USP24: variants seen among roughly 807,000 people sequenced by gnomAD.
USP24 encodes ubiquitin carboxyl-terminal hydrolase 24.
Under a neutral mutation model 361.6 loss-of-function variants are expected in USP24, and 97 were observed. The observed-to-expected ratio is 0.27, with a 90% CI of 0.23 to 0.32. The LOEUF (loss-of-function observed/expected upper bound fraction) is 0.32, where lower values mean the gene tolerates loss of function less well. Ranked by LOEUF, USP24 falls within the 10% of genes least tolerant of loss-of-function variation. The pLI is 1.00. For missense variants in USP24, 2,353 were observed against 3,165.6 expected, an observed-to-expected ratio of 0.74 and a Z score of 6.16; for synonymous variants, 1,098 against 1,124.6, an observed-to-expected ratio of 0.98 and a Z score of 0.47.
chr1:55,096,648 T>C, intron 49 of USP24, 26 bp from the exon 50 acceptor site: 1 of 1,592,320 alleles, frequency 6.3e-7, no homozygotes, highest in African/African-American at 1.4e-5. Context: ...CAGACAAACA[T>C]TATAAGGTTA....
At chr1:55,092,607 T>C (rs1280378405) in intron 53 of USP24, among the ~76,000 whole-genome samples, 2 of 152,224 alleles carry the variant, frequency 1.3e-5, no homozygotes, top group Non-Finnish European at 1.5e-5. Context: ...AGCCAGTATG[T>C]GGGAAGTCAC....
At position 55,115,008 on chromosome 1, in the gene USP24, CTAATATCCAGA is replaced by C. The variant is rs376004450; in HGVS notation, c.4509-4773_4509-4763del. On this transcript the variant is annotated intron_variant, in intron 38 of 67. Transcript: ENST00000294383. ...TGCAATCTATCCATCTGACAAAGGGCTAATATCCAGATTCTAAAAAGAACTTAAACAAACTT... is the reference window on the plus strand; with the variant it reads ...TGCAATCTATCCATCTGACAAAGGGCTTCTAAAAAGAACTTAAACAAACTT... Among the ~76,000 whole-genome samples, 1,152 of 150,030 alleles carry C rather than the reference CTAATATCCAGA, an allele frequency of 7.7e-3. 11 individuals carry two copies. The highest frequency in any genetic ancestry group is 0.027 in the African/African-American group (1,117 of 41,024).
At chr1:55,119,236 T>C (rs1192663844) in intron 38 of USP24, among the ~76,000 whole-genome samples, 1 of 152,148 alleles carries the variant, frequency 6.6e-6, no homozygotes, top group Non-Finnish European at 1.5e-5. Flanking sequence ...AATTCAGCCC[T>C]AAAAAGGAAG....
chr1:55,083,672 TA>T, intron 57 of USP24, 99 bp downstream of exon 57: 6 of 895,910 alleles, frequency 6.7e-6, no homozygotes, highest in Non-Finnish European at 1.0e-5. Context: ...AGAAACATCA[TA>T]AAAAACATAC....
chr1:55,134,526 A>G, intron 28 of USP24, 113 bp from the exon 29 acceptor site: 1 of 909,320 alleles, frequency 1.1e-6, no homozygotes, highest in Non-Finnish European at 1.7e-6. Flanking sequence ...TGGTCACTGT[A>G]AAGCTTGAGG....
intron 1 of USP24, among the ~76,000 whole-genome samples, chr1:55,182,724 AT>A (rs955195105): frequency 2.0e-5 from 3 of 151,626 alleles, no homozygotes; most frequent in African/African-American, 7.3e-5. Flanking sequence ...ACAGTCTTTT[AT>A]TTTTTTTGAG....
Position 55,123,940 on chromosome 1 carries a change from T to C in USP24, c.4121-338A>G, listed in dbSNP as rs144085791. ...ACTTGATGTAGATGGGTCATATGCA[T>C]ACAAAAATCCTAAAAATCTCATACA... is the stretch of plus-strand genomic sequence containing the variant. On this transcript the variant is annotated intron_variant, in intron 35 of 67. Coordinates refer to ENST00000294383, the MANE Select transcript of USP24 (RefSeq NM_015306.3). 3.1e-3 allele frequency among the ~76,000 whole-genome samples: 471 copies of C among 152,306 alleles called. 5 individuals are homozygous for C. The highest frequency in any genetic ancestry group is 0.01 in the African/African-American group (425 of 41,564).
Position 55,086,000 on chromosome 1 carries a change from A to C in USP24, c.6707T>G (p.Val2236Gly). The C allele has an allele frequency of 1.2e-6, 2 of 1,613,962 alleles. No individual in the cohort carries two copies. The highest frequency in any genetic ancestry group is 2.2e-5 in the South Asian group (2 of 91,082). Reference sequence around the variant, plus strand: ...TTTCTCCAGAATGGTGGCCACAGCAACTCGTACTTCTCTCACATTGCACTC... The same window carrying C: ...TTTCTCCAGAATGGTGGCCACAGCACCTCGTACTTCTCTCACATTGCACTC... ...LLECNVREVR[V>G]AVATILEKTL... The change falls in exon 56 of 68, where the codon GTT (valine) becomes GGT (glycine). Residue 2236 changes from valine to glycine, a missense_variant. Physicochemically the swap from Val to Gly is moderately radical, Grantham distance 109 (BLOSUM62 -3). Transcript: ENST00000294383.
At chr1:55,069,808 G>C (rs1357132302) in intron 67 of USP24, among the ~76,000 whole-genome samples, 2 of 143,050 alleles carry the variant, frequency 1.4e-5, no homozygotes, top group African/African-American at 5.2e-5. Context: ...GGGAGAAGGA[G>C]GTAGCAGTGA....
At chr1:55,089,351 C>A (rs1021017744) in intron 55 of USP24, among the ~76,000 whole-genome samples, 1 of 152,154 alleles carries the variant, frequency 6.6e-6, no homozygotes, top group East Asian at 1.9e-4. Context: ...TCTCTGACCC[C>A]CTTTGAACCA....
At chr1:55,208,820 C>T (rs1644776872) in intron 1 of USP24, among the ~76,000 whole-genome samples, 1 of 151,936 alleles carries the variant, frequency 6.6e-6, no homozygotes, top group Admixed American at 6.6e-5. Flanking sequence ...CCTGTAATCC[C>T]AGCTACTTGG....
intron 1 of USP24, among the ~76,000 whole-genome samples, chr1:55,181,686 A>G (rs574513804): frequency 6.6e-6 from 1 of 152,192 alleles, no homozygotes; most frequent in Non-Finnish European, 1.5e-5. Flanking sequence ...TCATACATAA[A>G]ATCATCAAAT....
At chr1:55,141,284 C>T (rs1354129839) in intron 24 of USP24, among the ~76,000 whole-genome samples, 5 of 152,004 alleles carry the variant, frequency 3.3e-5, no homozygotes, top group South Asian at 2.1e-4. Context: ...ATGTGTATTG[C>T]ATTCTAAACA....
At chr1:55,078,085 A>G (rs1209532303) in intron 61 of USP24, among the ~76,000 whole-genome samples, 1 of 152,246 alleles carries the variant, frequency 6.6e-6, no homozygotes, top group African/African-American at 2.4e-5. Flanking sequence ...TACATGTATC[A>G]CCACTATAAA....
In USP24 at chr1:55,154,693, T is replaced by C. The variant is rs1162101293; in HGVS notation, c.1532A>G (p.His511Arg). The C allele has an allele frequency of 6.2e-7, 1 of 1,613,166 alleles. No homozygotes were observed. Among genetic ancestry groups the C allele is most frequent in the Non-Finnish European group, 8.5e-7 (1 of 1,179,504 alleles). ...TACCTTCTGAATGAGAACAAACAAA[T>C]GATTAAGCTGATCTGAATTAAATTT... Reference protein sequence around the residue: ...AVKFNSDQLNHLFVLIQKSWE... With the variant: ...AVKFNSDQLNRLFVLIQKSWE... Residue 511 changes from histidine to arginine, a missense_variant, in exon 13 of 68, where the codon CAT becomes CGT. Physicochemically the swap from His to Arg is conservative, Grantham distance 29 (BLOSUM62 0). Around this residue, in one of 8 missense-constraint regions of USP24, gnomAD observed 386 missense variants for 560.5 expected, o/e 0.69. Transcript: ENST00000294383.
rs1461721040 is a variant in USP24, at chr1:55,067,753, CA to C, written c.*1291del. 1 of 152,102 alleles carries C rather than the reference CA, an allele frequency of 6.6e-6. No homozygotes were observed. Among genetic ancestry groups the C allele is most frequent in the Non-Finnish European group, 1.5e-5 (1 of 68,024 alleles). 9.4% of individuals were successfully genotyped at this position (152,102 alleles called of 1,614,324 possible). Reference sequence around the variant, plus strand: ...ATAAGGCAGGACCTGTAACTAAAGGCAAAACAGGGCCGAAAATGTGAGCAAT... The same window carrying C: ...ATAAGGCAGGACCTGTAACTAAAGGCAAACAGGGCCGAAAATGTGAGCAAT... On this transcript the variant is annotated 3_prime_UTR_variant, in exon 68 of 68. Coordinates refer to ENST00000294383, the MANE Select transcript of USP24 (RefSeq NM_015306.3).
chr1:55,147,997 T>C (rs1647078762), intron 17 of USP24, among the ~76,000 whole-genome samples, 199 bp from the exon 18 acceptor site: 1 of 152,182 alleles, frequency 6.6e-6, no homozygotes, highest in African/African-American at 2.4e-5. Flanking sequence ...AAACTACTAA[T>C]GTTTTCCATC....
intron 1 of USP24, among the ~76,000 whole-genome samples, chr1:55,181,083 CA>C (rs1220404004): frequency 6.6e-6 from 1 of 151,426 alleles, no homozygotes; most frequent in Non-Finnish European, 1.5e-5. Flanking sequence ...CATATCCTCA[CA>C]ATTTACTATA....
In USP24 at chr1:55,099,885, T is replaced by C; in HGVS notation, c.5272-16A>G. 1 of 1,525,036 alleles carries C rather than the reference T, an allele frequency of 6.6e-7. No homozygotes were observed. Among genetic ancestry groups the C allele is most frequent in the Non-Finnish European group, 8.9e-7 (1 of 1,129,830 alleles). The allele number at this position is 1,525,036 out of a possible 1,614,324, so 94.5% of individuals were successfully genotyped here. On this transcript the variant is annotated splice_polypyrimidine_tract_variant and intron_variant, in intron 44 of 67. Transcript: ENST00000294383. The stretch of plus-strand genomic sequence containing the variant: ...TCTTGAAAATCTATATAACAAAAAT[T>C]AAATGTTTTTAAAGGAAAAGTAGCA...
Sources: allele counts gnomAD v4.1 joint callset (sites outside exome capture counted in the v4.1 genomes callset), GRCh38; gene constraint gnomAD v4.1.1; regional missense constraint gnomAD v4.1.1; transcripts MANE v1.5; gene names NCBI Gene and HGNC (gene_info 2026-07-23, HGNC 2026-07-21).